Variants in ZFAND3 observed in about 807,000 individuals in gnomAD.
The protein encoded by ZFAND3 is AN1-type zinc finger protein 3.
ZFAND3 carries 10 observed loss-of-function variants against 29.6 expected under a neutral mutation model. The observed-to-expected ratio is 0.34, with a 90% CI of 0.21 to 0.57. The LOEUF (loss-of-function observed/expected upper bound fraction) is 0.57. ZFAND3 is among the 20% of genes least tolerant of loss of function. The pLI is 0.86. For synonymous variants in ZFAND3, 128 were observed against 112.6 expected (o/e 1.14, Z -0.87); for missense variants, 230 against 304.5 (o/e 0.76, Z 1.82).
At chr6:37,993,684 T>G (rs181737408) in intron 2 of ZFAND3, among the ~76,000 whole-genome samples, 8 of 152,194 alleles carry the variant, frequency 5.3e-5, no homozygotes, top group Non-Finnish European at 1.2e-4. Context: ...GAACTGCTTA[T>G]TGTTACCAAT....
chr6:37,822,953 T>TTGGTGATC (rs1409519048), intron 1 of ZFAND3, among the ~76,000 whole-genome samples: 1 of 151,972 alleles, frequency 6.6e-6, no homozygotes, highest in Non-Finnish European at 1.5e-5. Context: ...TTGAGAGGAA[T>TTGGTGATC]TGGTGATCCA....
Position 37,821,229 on chromosome 6 carries a change from T to C in ZFAND3, c.71+1213T>C, listed in dbSNP as rs561092953. Among the ~76,000 whole-genome samples the C allele has an allele frequency of 3.1e-3, 478 of 152,326 alleles. 2 individuals carry two copies. The highest frequency in any genetic ancestry group is 0.011 in the African/African-American group (455 of 41,572). ...TTAGAAAGTGGATCTTAATGTAGAC[T>C]TCTGTGGAAGTTGTCGTATCTCAAG... is the stretch of plus-strand genomic sequence containing the variant. On this transcript the variant is annotated intron_variant, in intron 1 of 5. Coordinates refer to ENST00000287218, the MANE Select transcript of ZFAND3 (RefSeq NM_021943.3).
At chr6:38,048,287 G>A (rs1252624926) in intron 2 of ZFAND3, among the ~76,000 whole-genome samples, 1 of 152,000 alleles carries the variant, frequency 6.6e-6, no homozygotes, top group African/African-American at 2.4e-5. Context: ...ACAGGCATGA[G>A]CCACCATGCC....
chr6:38,054,154 G>T (rs1764086687), intron 2 of ZFAND3, among the ~76,000 whole-genome samples: 1 of 150,606 alleles, frequency 6.6e-6, no homozygotes, highest in South Asian at 2.1e-4. Context: ...ACCAAGGTGG[G>T]AGGATCTCTT....
chr6:38,113,299 G>T (rs1426732416), intron 4 of ZFAND3, among the ~76,000 whole-genome samples: 1 of 152,142 alleles, frequency 6.6e-6, no homozygotes, highest in Non-Finnish European at 1.5e-5. Flanking sequence ...GATTGTCAGA[G>T]GATCGAGTAG....
chr6:38,042,385 G>A (rs1428883963), intron 2 of ZFAND3, among the ~76,000 whole-genome samples: 1 of 149,286 alleles, frequency 6.7e-6, no homozygotes, highest in African/African-American at 2.5e-5. Flanking sequence ...CGCCATCTCG[G>A]CTCACTGCAA....
At chr6:38,127,563 G>C (rs1235679726) in intron 5 of ZFAND3, among the ~76,000 whole-genome samples, 1 of 152,192 alleles carries the variant, frequency 6.6e-6, no homozygotes, top group Non-Finnish European at 1.5e-5. Flanking sequence ...TTGAGGTGAT[G>C]AAAGCAAGCC....
At chr6:38,062,437 C>A (rs894777456) in intron 3 of ZFAND3, 1 of 151,200 alleles carries the variant, frequency 6.6e-6, no homozygotes, top group Non-Finnish European at 1.5e-5. Flanking sequence ...GGCTGGAGTG[C>A]GGTTGTACCA....
intron 5 of ZFAND3, among the ~76,000 whole-genome samples, chr6:38,137,972 T>C (rs1328108196): frequency 6.6e-6 from 1 of 152,032 alleles, no homozygotes; most frequent in African/African-American, 2.4e-5. Context: ...TGAGAAGGCA[T>C]TGAATGGTTT....
chr6:37,886,218 A>G (rs1185223988), intron 1 of ZFAND3, among the ~76,000 whole-genome samples: 1 of 121,700 alleles, frequency 8.2e-6, no homozygotes, highest in Non-Finnish European at 1.6e-5. Context: ...AGCCTAGGCT[A>G]CAGAGCGAGA....
chr6:38,111,673 T>C (rs1221733088), intron 4 of ZFAND3, among the ~76,000 whole-genome samples: 1 of 152,238 alleles, frequency 6.6e-6, no homozygotes, highest in African/African-American at 2.4e-5. Flanking sequence ...GCTTACTTTA[T>C]TGTAAAAATA....
chr6:38,002,468 C>G (rs1470496591), intron 2 of ZFAND3, among the ~76,000 whole-genome samples: 1 of 151,936 alleles, frequency 6.6e-6, no homozygotes, highest in Non-Finnish European at 1.5e-5. Context: ...TGCTTGAACC[C>G]AGGAATCCGA....
intron 1 of ZFAND3, among the ~76,000 whole-genome samples, chr6:37,838,424 A>T (rs1561906280): frequency 6.7e-6 from 1 of 150,042 alleles, no homozygotes; most frequent in Non-Finnish European, 1.5e-5. Flanking sequence ...AGACAATTTC[A>T]TCACTTTGTA....
intron 2 of ZFAND3, among the ~76,000 whole-genome samples, chr6:38,007,516 G>T (rs1763071714): frequency 6.6e-6 from 1 of 152,150 alleles, no homozygotes; most frequent in Non-Finnish European, 1.5e-5. Context: ...CTGCACTCCA[G>T]TCTGGGTGAC....
At chr6:38,019,561 CT>C (rs1763310805) in intron 2 of ZFAND3, among the ~76,000 whole-genome samples, 1 of 151,996 alleles carries the variant, frequency 6.6e-6, no homozygotes. Flanking sequence ...ATATATTAGT[CT>C]TTACTTTTAT....
intron 1 of ZFAND3, among the ~76,000 whole-genome samples, chr6:37,906,008 C>G (rs1415062207): frequency 7.9e-5 from 12 of 152,028 alleles, no homozygotes; most frequent in Non-Finnish European, 1.5e-5. Flanking sequence ...GTTGTACACC[C>G]ACAGGCAGAG....
chr6:38,115,475 T>G (rs1220529538), intron 4 of ZFAND3, among the ~76,000 whole-genome samples: 2 of 152,140 alleles, frequency 1.3e-5, no homozygotes, highest in African/African-American at 4.8e-5. Flanking sequence ...TTGTCTGCTA[T>G]GTGGAGAATA....
chr6:38,100,615 G>A (rs1437634501), intron 4 of ZFAND3, among the ~76,000 whole-genome samples: 1 of 152,150 alleles, frequency 6.6e-6, no homozygotes, highest in Non-Finnish European at 1.5e-5. Context: ...CTACAAACAT[G>A]TTGTCATGTA....
At chr6:37,847,277 CA>C (rs920188915) in intron 1 of ZFAND3, among the ~76,000 whole-genome samples, 4 of 151,894 alleles carry the variant, frequency 2.6e-5, no homozygotes, top group Admixed American at 6.6e-5. Context: ...CAAGTGCCCC[CA>C]AAAACCTCAT....
Sources: allele counts gnomAD v4.1 joint callset (sites outside exome capture counted in the v4.1 genomes callset), GRCh38; gene constraint gnomAD v4.1.1; transcripts MANE v1.5; gene names NCBI Gene and HGNC (gene_info 2026-07-23, HGNC 2026-07-21).